Variants in TOX observed in about 807,000 individuals in gnomAD.
TOX encodes the protein thymocyte selection-associated high mobility group box protein TOX.
TOX carries 11 observed loss-of-function variants against 53.7 expected under a neutral mutation model. The observed-to-expected ratio is 0.20, with a 90% CI of 0.13 to 0.34. TOX has a LOEUF of 0.34. TOX is among the 10% of genes least tolerant of loss of function. TOX has a pLI of 1.00. For synonymous variants in TOX, 225 were observed against 245.3 expected, an observed-to-expected ratio of 0.92 and a Z score of 0.77; for missense variants, 570 against 664.6, an observed-to-expected ratio of 0.86 and a Z score of 1.56.
intron 1 of TOX, among the ~76,000 whole-genome samples, chr8:59,056,471 A>G (rs1222221513): frequency 4.0e-5 from 6 of 151,256 alleles, no homozygotes; most frequent in Admixed American, 2.6e-4. Context: ...GGAAAAGAAA[A>G]GAAAAAAAAG....
chr8:59,048,417 T>C (rs1180292004), intron 1 of TOX, among the ~76,000 whole-genome samples: 1 of 152,192 alleles, frequency 6.6e-6, no homozygotes, highest in African/African-American at 2.4e-5. Flanking sequence ...TAATAGATAA[T>C]TCCCCCTTTT....
intron 1 of TOX, among the ~76,000 whole-genome samples, chr8:58,971,379 G>A (rs1466018073): frequency 1.3e-5 from 2 of 152,190 alleles, no homozygotes; most frequent in Non-Finnish European, 2.9e-5. Flanking sequence ...TTTGAAATAA[G>A]GAGACCCAGA....
chr8:58,986,734 A>C (rs1409605105), intron 1 of TOX, among the ~76,000 whole-genome samples: 3 of 152,328 alleles, frequency 2.0e-5, no homozygotes, highest in Admixed American at 2.0e-4. Flanking sequence ...AATAATACAT[A>C]AATAAACTGA....
intron 3 of TOX, among the ~76,000 whole-genome samples, chr8:58,897,703 C>T (rs200145007): frequency 1.3e-5 from 2 of 148,400 alleles, no homozygotes; most frequent in East Asian, 2.0e-4. Flanking sequence ...AAATGGAAGT[C>T]TTTTTTTTTT....
At chr8:58,822,842 T>C (rs946975440) in intron 6 of TOX, among the ~76,000 whole-genome samples, 5 of 152,208 alleles carry the variant, frequency 3.3e-5, no homozygotes, top group African/African-American at 1.2e-4. Context: ...AACAAGACAG[T>C]GGGCAGTTTG....
At chr8:58,839,740 G>A (rs1053391674) in intron 4 of TOX, among the ~76,000 whole-genome samples, 1 of 152,172 alleles carries the variant, frequency 6.6e-6, no homozygotes, top group Non-Finnish European at 1.5e-5. Context: ...GGTTGTAGTT[G>A]CCTTCTCTCT....
intron 1 of TOX, among the ~76,000 whole-genome samples, chr8:59,030,231 G>T (rs979960124): frequency 1.3e-5 from 2 of 152,098 alleles, no homozygotes; most frequent in African/African-American, 4.8e-5. Context: ...CAAACTAATT[G>T]TACAGTATTT....
In TOX at chr8:59,118,013, C is replaced by T. The variant is rs1463702149; in HGVS notation, c.102+873G>A. ...CCCTCCCTCGTACCCCCTGACTGTC[C>T]TATAGGTGGACCCAGCCGAACTCCG... On this transcript the variant is annotated intron_variant, in intron 1 of 8. Transcript: ENST00000361421. The surrounding 1 kb of genome is among the most constrained non-coding windows in gnomAD (Gnocchi z 4.1). Among the ~76,000 whole-genome samples the T allele has an allele frequency of 1.3e-5, 2 of 152,140 alleles. No individual in the cohort carries two copies. The highest frequency in any genetic ancestry group is 2.9e-5 in the Non-Finnish European group (2 of 68,000).
At chr8:59,114,864 G>T (rs923947260) in intron 1 of TOX, among the ~76,000 whole-genome samples, 5 of 152,218 alleles carry the variant, frequency 3.3e-5, no homozygotes, top group African/African-American at 1.2e-4. Flanking sequence ...TAGAAAATAA[G>T]CTCAAAGGAG....
chr8:58,831,467 T>A (rs1216310469), intron 5 of TOX, among the ~76,000 whole-genome samples: 1 of 152,214 alleles, frequency 6.6e-6, no homozygotes, highest in African/African-American at 2.4e-5. Flanking sequence ...AAATGTTGCA[T>A]TGGCATAATG....
At chr8:58,981,179 T>C (rs1331863043) in intron 1 of TOX, among the ~76,000 whole-genome samples, 2 of 152,188 alleles carry the variant, frequency 1.3e-5, no homozygotes, top group African/African-American at 2.4e-5. Context: ...GGATGTCAAA[T>C]TGCAAAATTT....
Position 58,923,125 on chromosome 8 carries a change from G to A in TOX, c.411+16177C>T, listed in dbSNP as rs374330475. ...CTCCTTTTATCCTAGGTACAATGAG[G>A]AGTCACTGAAGGGTGGTCAATCTAA... is the stretch of plus-strand genomic sequence containing the variant. On this transcript the variant is annotated intron_variant, in intron 3 of 8. Transcript: ENST00000361421. 1.4e-3 allele frequency among the ~76,000 whole-genome samples: 208 copies of A among 152,220 alleles called. 1 individual carries two copies. The highest frequency in any genetic ancestry group is 3.8e-3 in the African/African-American group (156 of 41,510).
At chr8:58,911,977 C>A (rs1464646886) in intron 3 of TOX, among the ~76,000 whole-genome samples, 1 of 152,230 alleles carries the variant, frequency 6.6e-6, no homozygotes, top group Non-Finnish European at 1.5e-5. Flanking sequence ...GCTGGGATTA[C>A]AGGCGTGAGC....
intron 3 of TOX, among the ~76,000 whole-genome samples, chr8:58,896,889 A>G (rs1811657726): frequency 6.6e-6 from 1 of 152,180 alleles, no homozygotes; most frequent in African/African-American, 2.4e-5. Flanking sequence ...TTATTACTGT[A>G]ACATATTCCT....
chr8:58,853,500 T>C (rs1188444099), intron 3 of TOX, among the ~76,000 whole-genome samples: 1 of 152,120 alleles, frequency 6.6e-6, no homozygotes, highest in Admixed American at 6.6e-5. Flanking sequence ...TATAAATAAT[T>C]ATAAATGAAT....
At chr8:59,036,999 C>T (rs898533830) in intron 1 of TOX, among the ~76,000 whole-genome samples, 15 of 152,194 alleles carry the variant, frequency 9.9e-5, no homozygotes, top group African/African-American at 3.6e-4. Context: ...CCTTATATGA[C>T]CTGGAATGCG....
chr8:59,036,104 G>A (rs980037392), intron 1 of TOX, among the ~76,000 whole-genome samples: 2 of 152,150 alleles, frequency 1.3e-5, no homozygotes, highest in African/African-American at 2.4e-5. Flanking sequence ...GAGTATTCTC[G>A]AAGCTCAGGA....
At chr8:58,829,112 T>C (rs185628006) in intron 5 of TOX, among the ~76,000 whole-genome samples, 60 of 152,314 alleles carry the variant, frequency 3.9e-4, no homozygotes, top group Middle Eastern at 3.4e-3. Context: ...ATGGTCTGAC[T>C]ACGGCATCTA....
intron 1 of TOX, among the ~76,000 whole-genome samples, chr8:59,097,851 A>G: frequency 6.6e-6 from 1 of 152,172 alleles, no homozygotes; most frequent in East Asian, 1.9e-4. Context: ...CTCTGGTACT[A>G]CTTTAACAAG....
Sources: gnomAD v4.1 joint callset for allele counts (sites outside exome capture counted in the v4.1 genomes callset) on GRCh38, gnomAD v4.1.1 for gene constraint, Gnocchi (gnomAD v3.1) non-coding constraint, MANE v1.5 for transcripts, NCBI Gene and HGNC (gene_info 2026-07-23, HGNC 2026-07-21) for gene names.